Variants in CNIH3 observed in about 807,000 individuals in gnomAD.
The protein encoded by CNIH3 is cornichon family AMPA receptor auxiliary protein 3.
Under a neutral mutation model 24.1 loss-of-function variants are expected in CNIH3, and 14 were observed. That is an observed-to-expected ratio of 0.58 (90% CI 0.38 to 0.91). The LOEUF (loss-of-function observed/expected upper bound fraction) is 0.91, where lower values mean the gene tolerates loss of function less well. Ranked by LOEUF, CNIH3 falls within the 40% of genes least tolerant of loss-of-function variation. The pLI, the probability that CNIH3 is intolerant of heterozygous loss-of-function variation, is 0.00. For missense variants in CNIH3, 178 were observed against 196.8 expected (o/e 0.90, Z 0.57); for synonymous variants, 68 against 73.8 (o/e 0.92, Z 0.40).
chr1:224,523,509 A>G (rs1392745597), intron 2 of CNIH3, among the ~76,000 whole-genome samples: 1 of 152,232 alleles, frequency 6.6e-6, no homozygotes, highest in Non-Finnish European at 1.5e-5. Flanking sequence ...ATATGGTGTT[A>G]GAACTCAAGT....
intron 1 of CNIH3, among the ~76,000 whole-genome samples, chr1:224,441,523 C>T (rs1393533962): frequency 2.0e-5 from 3 of 152,232 alleles, no homozygotes; most frequent in East Asian, 3.8e-4. Flanking sequence ...TTTGGGCAGT[C>T]TTCCTTCTTC....
intron 1 of CNIH3, among the ~76,000 whole-genome samples, chr1:224,460,699 GTGTA>G (rs1383635945): frequency 6.6e-6 from 1 of 151,708 alleles, no homozygotes; most frequent in East Asian, 1.9e-4. Context: ...CTGAACATTT[GTGTA>G]TGTGCCTTTG....
intron 3 of CNIH3, among the ~76,000 whole-genome samples, chr1:224,698,506 A>G (rs574681098): frequency 2.0e-5 from 3 of 152,314 alleles, no homozygotes; most frequent in Admixed American, 6.5e-5. Context: ...GGCAGGGTGT[A>G]CTGATAAATG....
intron 3 of CNIH3, among the ~76,000 whole-genome samples, chr1:224,601,195 C>CT (rs1572557989): frequency 1.3e-5 from 2 of 152,190 alleles, no homozygotes; most frequent in Non-Finnish European, 2.9e-5. Flanking sequence ...TGGCATGCTT[C>CT]TGGGGGGTTG....
At chr1:224,460,514 C>T (rs1675866288) in intron 1 of CNIH3, among the ~76,000 whole-genome samples, 1 of 152,114 alleles carries the variant, frequency 6.6e-6, no homozygotes, top group East Asian at 1.9e-4. Flanking sequence ...TTCTTTCACG[C>T]AGCATAATTA....
rs775286414 is a variant in CNIH3, at chr1:224,579,170, CT to C, written n.517-3988del. Among the ~76,000 whole-genome samples, 4 of 148,556 alleles carry C rather than the reference CT, an allele frequency of 2.7e-5. No individual in the cohort carries two copies. In the South Asian group the frequency reaches 8.5e-4, roughly 32 times the overall value. On this transcript the variant is annotated intron_variant and non_coding_transcript_variant, in intron 4 of 5. Transcript: ENST00000471578. ...GCCCTTGAGATATTCATCTTGTCAT[CT>C]TTTTTAATTTCTAAGAACGCCATTT...
At chr1:224,663,364 C>T (rs1171013231) in intron 1 of CNIH3, among the ~76,000 whole-genome samples, 2 of 152,178 alleles carry the variant, frequency 1.3e-5, no homozygotes, top group African/African-American at 4.8e-5. Flanking sequence ...GCTATGTCGA[C>T]GTATGCACAA....
At chr1:224,576,483 T>A (rs1161608055) in intron 4 of CNIH3, among the ~76,000 whole-genome samples, 7 of 152,214 alleles carry the variant, frequency 4.6e-5, no homozygotes, top group African/African-American at 1.4e-4. Context: ...TGTCTTGCTC[T>A]TTCTTGACTT....
intron 1 of CNIH3, among the ~76,000 whole-genome samples, chr1:224,485,962 T>A (rs1198960849): frequency 2.6e-5 from 4 of 152,058 alleles, no homozygotes; most frequent in African/African-American, 9.7e-5. Flanking sequence ...AATGCACAAC[T>A]TTTTTTATCT....
At chr1:224,533,192 G>C (rs1679142946) in intron 2 of CNIH3, among the ~76,000 whole-genome samples, 1 of 151,242 alleles carries the variant, frequency 6.6e-6, no homozygotes, top group Non-Finnish European at 1.5e-5. Flanking sequence ...TTGGGTTACA[G>C]ATTAAAGTAT....
chr1:224,468,523 A>C (rs1357674473), intron 1 of CNIH3, among the ~76,000 whole-genome samples: 3 of 152,172 alleles, frequency 2.0e-5, no homozygotes, highest in Admixed American at 1.3e-4. Context: ...GACCTTCCTT[A>C]TTAATTTTTA....
At chr1:224,446,028 G>A (rs1395662346) in intron 1 of CNIH3, among the ~76,000 whole-genome samples, 1 of 152,090 alleles carries the variant, frequency 6.6e-6, no homozygotes, top group Non-Finnish European at 1.5e-5. Context: ...ATCTTGCAGT[G>A]GTGTTGTTAT....
intron 1 of CNIH3, among the ~76,000 whole-genome samples, chr1:224,653,049 T>C (rs1684934241): frequency 6.6e-6 from 1 of 152,238 alleles, no homozygotes; most frequent in Non-Finnish European, 1.5e-5. Context: ...TAGCCTAGGT[T>C]TGACAACTAA....
At chr1:224,639,037 T>C (rs1256764433) in intron 1 of CNIH3, among the ~76,000 whole-genome samples, 4 of 152,244 alleles carry the variant, frequency 2.6e-5, no homozygotes, top group Non-Finnish European at 5.9e-5. Context: ...TGAGCCTTTC[T>C]GTTTTGCTCA....
chr1:224,497,455 T>C (rs552453871), intron 1 of CNIH3, among the ~76,000 whole-genome samples: 1 of 152,246 alleles, frequency 6.6e-6, no homozygotes, highest in Non-Finnish European at 1.5e-5. Flanking sequence ...TATACTGTGA[T>C]GGAATATGAT....
chr1:224,583,015 T>C (rs1681343071), intron 4 of CNIH3: 1 of 152,232 alleles, frequency 6.6e-6, no homozygotes, highest in Non-Finnish European at 1.5e-5. Context: ...TCCTGGGGCA[T>C]TAGTGGACTC....
At chr1:224,442,562 T>A (rs1347854543) in intron 1 of CNIH3, among the ~76,000 whole-genome samples, 1 of 152,170 alleles carries the variant, frequency 6.6e-6, no homozygotes, top group Non-Finnish European at 1.5e-5. Flanking sequence ...TTTTTCCCTG[T>A]GATGGCGCAT....
intron 1 of CNIH3, among the ~76,000 whole-genome samples, chr1:224,474,446 A>AC (rs756070038): frequency 4.6e-5 from 7 of 152,080 alleles, no homozygotes; most frequent in Non-Finnish European, 1.0e-4. Context: ...AAAAACTATG[A>AC]CATACATCAA....
intron 1 of CNIH3, among the ~76,000 whole-genome samples, chr1:224,440,143 G>C (rs574323824): frequency 1.8e-4 from 28 of 152,182 alleles, no homozygotes; most frequent in Non-Finnish European, 3.5e-4. Context: ...GGATGGTCTC[G>C]ATCTCTTGAC....
Sources: gnomAD v4.1 joint callset for allele counts (sites outside exome capture counted in the v4.1 genomes callset) on GRCh38, gnomAD v4.1.1 for gene constraint, MANE v1.5 for transcripts, NCBI Gene and HGNC (gene_info 2026-07-23, HGNC 2026-07-21) for gene names.